Variants in RCSD1 observed in about 807,000 individuals in gnomAD.
The protein encoded by RCSD1 is capZ-interacting protein.
RCSD1 carries 26 observed loss-of-function variants against 42.5 expected under a neutral mutation model. That is an observed-to-expected ratio of 0.61 (90% confidence interval 0.45 to 0.85). RCSD1 has a LOEUF of 0.85. Among genes scored for constraint, RCSD1 ranks in the 40% least tolerant of loss-of-function variants. The pLI is 0.00. For missense variants in RCSD1, 571 were observed against 528.3 expected (o/e 1.08, Z -0.79); for synonymous variants, 220 against 212.2 (o/e 1.04, Z -0.32).
intron 1 of RCSD1, among the ~76,000 whole-genome samples, chr1:167,678,573 C>T (rs114899789): frequency 0.024 from 3,727 of 152,236 alleles, 150 homozygotes; most frequent in African/African-American, 0.083. Flanking sequence ...TGTTCACTCC[C>T]GCACCCAATC....
At chr1:167,687,015 T>C (rs749789149) in intron 3 of RCSD1, among the ~76,000 whole-genome samples, 1 of 152,166 alleles carries the variant, frequency 6.6e-6, no homozygotes, top group Non-Finnish European at 1.5e-5. Flanking sequence ...GTTAGGCTAG[T>C]GATTGGGTTA....
At chr1:167,672,551 T>C (rs1658835938) in intron 1 of RCSD1, among the ~76,000 whole-genome samples, 1 of 152,316 alleles carries the variant, frequency 6.6e-6, no homozygotes, top group Admixed American at 6.5e-5. Flanking sequence ...TTCCTCCATC[T>C]TCAAAGACAG....
rs184072272 is a variant in RCSD1 at position 167,691,817 on chromosome 1, G to A, written c.270+1697G>A. ...AAACTGAGAAGCCCTGATTCCACCCGGCTGCAGGAATAGGGTGGTGCTACC... is the reference window on the plus strand; with the variant it reads ...AAACTGAGAAGCCCTGATTCCACCCAGCTGCAGGAATAGGGTGGTGCTACC... On this transcript the variant is annotated intron_variant, in intron 4 of 6. Coordinates refer to ENST00000367854, the MANE Select transcript of RCSD1 (RefSeq NM_052862.4). Among the ~76,000 whole-genome samples, 88 of 152,274 alleles carry A rather than the reference G, an allele frequency of 5.8e-4. No homozygotes were observed. The East Asian group carries it at 7.5e-3, about 13-fold the overall frequency.
chr1:167,685,338 T>G, intron 2 of RCSD1, 83 bp from the exon 3 acceptor site: 3 of 1,085,096 alleles, frequency 2.8e-6, no homozygotes, highest in Non-Finnish European at 4.1e-6. Context: ...CTGAAACCAG[T>G]TTCCATTTCC....
At chr1:167,683,755 G>A (rs1438256323) in intron 1 of RCSD1, 145 bp from the exon 2 acceptor site, 15 of 775,654 alleles carry the variant, frequency 1.9e-5, no homozygotes, top group Non-Finnish European at 3.0e-5. Context: ...AATTTTTTAA[G>A]TCCTTGAATG....
At chr1:167,656,732 C>T (rs559248955) in intron 1 of RCSD1, among the ~76,000 whole-genome samples, 19 of 152,258 alleles carry the variant, frequency 1.2e-4, no homozygotes, top group Admixed American at 1.2e-3. Flanking sequence ...GAGTTAGCAA[C>T]GCCTCCTCTA....
chr1:167,660,633 G>A (rs1658520832), intron 1 of RCSD1, among the ~76,000 whole-genome samples: 1 of 152,066 alleles, frequency 6.6e-6, no homozygotes, highest in African/African-American at 2.4e-5. Context: ...CCAGCATGCT[G>A]GGCTAATTTC....
At chr1:167,686,014 G>GC (rs1159567452) in intron 3 of RCSD1, among the ~76,000 whole-genome samples, 1 of 152,196 alleles carries the variant, frequency 6.6e-6, no homozygotes, top group African/African-American at 2.4e-5. Flanking sequence ...GCGCACAGGA[G>GC]GCCTCGTTGC....
At position 167,706,553 on chromosome 1, in the gene RCSD1, G is replaced by C. The variant is rs1423719212; in HGVS notation, c.*1857G>C. Among the ~76,000 whole-genome samples, 1 of 152,056 alleles carries C rather than the reference G, an allele frequency of 6.6e-6. No individual in the cohort carries two copies. Among genetic ancestry groups the C allele is most frequent in the East Asian group, 1.9e-4 (1 of 5,198 alleles). On this transcript the variant is annotated 3_prime_UTR_variant, in exon 7 of 7. Transcript: ENST00000367854. Reference sequence around the variant, plus strand: ...ATGAAACTGCATTTTTCTTCTGGAGGGTCTAAACATAGTAGCAGACGAGAG... The same window carrying C: ...ATGAAACTGCATTTTTCTTCTGGAGCGTCTAAACATAGTAGCAGACGAGAG...
chr1:167,670,303 C>T (rs1260660740), intron 1 of RCSD1, among the ~76,000 whole-genome samples: 1 of 151,024 alleles, frequency 6.6e-6, no homozygotes, highest in Admixed American at 6.6e-5. Flanking sequence ...CCATCTAAAT[C>T]ACCCATGCCA....
chr1:167,704,158 T>G (rs895678018), intron 6 of RCSD1, among the ~76,000 whole-genome samples: 1 of 152,222 alleles, frequency 6.6e-6, no homozygotes, highest in African/African-American at 2.4e-5. Flanking sequence ...TACTGTCCTT[T>G]TACTCAAGTA....
At chr1:167,663,139 C>T (rs949848108) in intron 1 of RCSD1, among the ~76,000 whole-genome samples, 1 of 152,236 alleles carries the variant, frequency 6.6e-6, no homozygotes, top group Non-Finnish European at 1.5e-5. Flanking sequence ...TCCCTTCTAA[C>T]TTTGCAGGAC....
chr1:167,659,818 G>A (rs1489607643), intron 1 of RCSD1, among the ~76,000 whole-genome samples: 2 of 152,058 alleles, frequency 1.3e-5, no homozygotes, highest in Non-Finnish European at 2.9e-5. Flanking sequence ...TCTCTGGTGG[G>A]ATAGATGTGG....
At chr1:167,651,387 C>T (rs1269501620) in intron 1 of RCSD1, among the ~76,000 whole-genome samples, 1 of 152,236 alleles carries the variant, frequency 6.6e-6, no homozygotes, top group Admixed American at 6.5e-5. Flanking sequence ...ATGCCTGGCT[C>T]CTTCTGTCAT....
Position 167,697,321 on chromosome 1 carries a change from C to T in RCSD1, c.697C>T (p.Pro233Ser). Residue 233 changes from proline to serine, a missense_variant, in exon 6 of 7, where the codon CCT (proline) becomes TCT (serine). Transcript: ENST00000367854. ...GGGAGAGGGAGTGAGAACCCTGGGA[C>T]CTGCTGAAAAGCCTCCTCTGAGGAG... ...AAGEGVRTLG[P>S]AEKPPLRRSP... 6.2e-7 allele frequency: 1 copy of T among 1,614,036 alleles called. No individual in the cohort carries two copies. The highest frequency in any genetic ancestry group is 8.5e-7 in the Non-Finnish European group (1 of 1,179,986).
At chr1:167,639,248 A>AAAAC (rs59063730) in intron 1 of RCSD1, among the ~76,000 whole-genome samples, 109,441 of 151,410 alleles carry the variant, frequency 0.72, 39,651 homozygotes, top group East Asian at 0.86. Context: ...AGCAAAAACA[A>AAAAC]AAACAAACAA....
At chr1:167,658,062 G>C (rs551233633) in intron 1 of RCSD1, among the ~76,000 whole-genome samples, 1 of 152,062 alleles carries the variant, frequency 6.6e-6, no homozygotes, top group African/African-American at 2.4e-5. Flanking sequence ...CGAGTAACTG[G>C]GACTACAGGT....
chr1:167,644,859 T>C (rs1217737820), intron 1 of RCSD1, among the ~76,000 whole-genome samples: 1 of 152,270 alleles, frequency 6.6e-6, no homozygotes, highest in Non-Finnish European at 1.5e-5. Flanking sequence ...ACATCAGTCC[T>C]GATCTTTCCA....
At chr1:167,665,635 A>G (rs79284911) in intron 1 of RCSD1, among the ~76,000 whole-genome samples, 3,290 of 152,282 alleles carry the variant, frequency 0.022, 104 homozygotes, top group African/African-American at 0.076. Flanking sequence ...TGGTATTGTC[A>G]GTTCATTTTA....
Sources: gnomAD v4.1 joint callset for allele counts (sites outside exome capture counted in the v4.1 genomes callset) on GRCh38, gnomAD v4.1.1 for gene constraint, MANE v1.5 for transcripts, NCBI Gene and HGNC (gene_info 2026-07-23, HGNC 2026-07-21) for gene names.